NBEA: variants seen among roughly 807,000 people sequenced by gnomAD.
NBEA encodes neurobeachin, also known as lysosomal-trafficking regulator 2.
In NBEA, 44 loss-of-function variants were observed where a neutral mutation model predicts 343.4. The ratio of observed to expected loss-of-function variants is 0.13; its 90% confidence interval spans 0.10 to 0.16. The LOEUF (loss-of-function observed/expected upper bound fraction) is 0.16, where lower values mean the gene tolerates loss of function less well. Ranked by LOEUF, NBEA falls within the 10% of genes least tolerant of loss-of-function variation. The pLI is 1.00. For synonymous variants in NBEA, 1,175 were observed against 1,238.7 expected, an observed-to-expected ratio of 0.95 and a Z score of 1.08; for missense variants, 2,555 against 3,631.3, an observed-to-expected ratio of 0.70 and a Z score of 7.62.
chr13:34,990,264 C>T (rs999188015), intron 1 of NBEA, among the ~76,000 whole-genome samples: 2 of 151,186 alleles, frequency 1.3e-5, no homozygotes, highest in African/African-American at 4.8e-5. Flanking sequence ...CCACATTTCC[C>T]CTTCACACTG....
intron 1 of NBEA, among the ~76,000 whole-genome samples, chr13:34,997,748 T>C (rs967745247): frequency 2.0e-5 from 3 of 152,212 alleles, no homozygotes; most frequent in African/African-American, 7.2e-5. Flanking sequence ...TATTCCAATT[T>C]GCATTCATTG....
intron 34 of NBEA, among the ~76,000 whole-genome samples, chr13:35,253,065 G>C (rs945176975): frequency 1.3e-5 from 2 of 152,148 alleles, no homozygotes; most frequent in Non-Finnish European, 2.9e-5. Flanking sequence ...TTCACAGACT[G>C]CTCTTCTCAA....
At chr13:35,027,153 G>A (rs902817257) in intron 1 of NBEA, among the ~76,000 whole-genome samples, 1 of 151,892 alleles carries the variant, frequency 6.6e-6, no homozygotes, top group African/African-American at 2.4e-5. Flanking sequence ...GTACTTTTTG[G>A]GAGGGCATCT....
chr13:35,234,768 C>T (rs2075145274), intron 34 of NBEA, among the ~76,000 whole-genome samples: 1 of 152,176 alleles, frequency 6.6e-6, no homozygotes, highest in Non-Finnish European at 1.5e-5. Flanking sequence ...TTCTGAATTC[C>T]AGACATAGTT....
Position 35,164,504 on chromosome 13 carries a change from C to T in NBEA, c.4228C>T (p.Pro1410Ser), listed in dbSNP as rs772119408. Residue 1410 changes from proline (P) to serine (S), a missense_variant, in exon 24 of 59, where the codon CCA (proline) becomes TCA (serine). This residue lies in a region of NBEA where 168 missense variants were observed against 193.0 expected (regional missense o/e 0.87). Coordinates refer to ENST00000379939, the MANE Select transcript of NBEA (RefSeq NM_001385012.1). ...ILPLLSAATS[P>S]TGSKTELENI... ...ACCTTTGCTCTCTGCTGCTACATCA[C>T]CAACTGTAAGTACTTTGCCTCCATC... The T allele has an allele frequency of 1.2e-6, 2 of 1,609,390 alleles. No homozygotes were observed. Among genetic ancestry groups the T allele is most frequent in the East Asian group, 2.2e-5 (1 of 44,632 alleles).
intron 18 of NBEA, among the ~76,000 whole-genome samples, chr13:35,149,280 G>A (rs1020835887): frequency 6.6e-6 from 1 of 152,018 alleles, no homozygotes; most frequent in Non-Finnish European, 1.5e-5. Flanking sequence ...TTCTGATATT[G>A]TATTTCCCTC....
intron 1 of NBEA, among the ~76,000 whole-genome samples, chr13:34,967,018 C>G (rs959647266): frequency 1.4e-5 from 2 of 145,698 alleles, no homozygotes; most frequent in Non-Finnish European, 3.0e-5. Context: ...AATGTCGATT[C>G]ATATTTTACT....
chr13:35,586,062 A>G (rs2081279541), intron 46 of NBEA, among the ~76,000 whole-genome samples: 1 of 152,136 alleles, frequency 6.6e-6, no homozygotes, highest in Admixed American at 6.5e-5. Flanking sequence ...TCTCTTAATC[A>G]ATAATTTTTC....
chr13:35,173,899 G>A (rs1314985987), intron 27 of NBEA, among the ~76,000 whole-genome samples: 2 of 152,116 alleles, frequency 1.3e-5, no homozygotes, highest in Non-Finnish European at 2.9e-5. Flanking sequence ...AGAATTTAAT[G>A]TATGAATAAT....
intron 28 of NBEA, among the ~76,000 whole-genome samples, chr13:35,179,163 G>C (rs1294985324): frequency 6.6e-6 from 1 of 151,452 alleles, no homozygotes; most frequent in Non-Finnish European, 1.5e-5. Flanking sequence ...GAAAGATCTG[G>C]GTTTGAATTC....
intron 30 of NBEA, among the ~76,000 whole-genome samples, chr13:35,188,249 ATT>A (rs541398659): frequency 3.6e-4 from 51 of 142,124 alleles, no homozygotes; most frequent in African/African-American, 7.4e-4. Flanking sequence ...CTCACGTATC[ATT>A]TTTTTTTTTT....
intron 41 of NBEA, among the ~76,000 whole-genome samples, chr13:35,498,933 G>T (rs948873573): frequency 1.3e-5 from 2 of 152,006 alleles, no homozygotes; most frequent in African/African-American, 2.4e-5. Flanking sequence ...GTGTGGTGGT[G>T]CTGTTTAAAG....
rs575845599 is a variant in NBEA at position 34,975,803 on chromosome 13, G to A, written c.294+32689G>A. 2.0e-5 allele frequency among the ~76,000 whole-genome samples: 3 copies of A among 152,232 alleles called. No individual in the cohort carries two copies. In the East Asian group the frequency reaches 5.8e-4, roughly 29 times the overall value. ...ATTCTCAAAAGAAGATATACAGATG[G>A]TCAACAAGCATATGGAAAAATGCTC... On this transcript the variant is annotated intron_variant, in intron 1 of 58. Coordinates refer to ENST00000379939, the MANE Select transcript of NBEA (RefSeq NM_001385012.1).
intron 10 of NBEA, among the ~76,000 whole-genome samples, chr13:35,088,233 A>T (rs751347164): frequency 6.6e-6 from 1 of 152,022 alleles, no homozygotes; most frequent in South Asian, 2.1e-4. Flanking sequence ...TGTTCTTTTG[A>T]ATCTCCCTTA....
At chr13:35,040,702 T>C (rs1264970197) in intron 1 of NBEA, among the ~76,000 whole-genome samples, 2 of 152,138 alleles carry the variant, frequency 1.3e-5, no homozygotes, top group Non-Finnish European at 2.9e-5. Flanking sequence ...TTACTAGATT[T>C]GAAATCACCC....
intron 58 of NBEA, among the ~76,000 whole-genome samples, chr13:35,669,839 T>G (rs2085525365): frequency 6.6e-6 from 1 of 151,942 alleles, no homozygotes; most frequent in Non-Finnish European, 1.5e-5. Context: ...AGGAACAGAC[T>G]AACAGAAGAA....
rs184911935 is a variant in NBEA, at chr13:34,964,969, T to C, written c.294+21855T>C. Reference sequence around the variant, plus strand: ...AGAAGTGTTCTAGCAATGACTTATCTAGGAAACTAGCTACTGTAAACTTGG... The same window carrying C: ...AGAAGTGTTCTAGCAATGACTTATCCAGGAAACTAGCTACTGTAAACTTGG... On this transcript the variant is annotated intron_variant, in intron 1 of 58. Transcript: ENST00000379939. Among the ~76,000 whole-genome samples, 234 of 152,156 alleles carry C rather than the reference T, an allele frequency of 1.5e-3. 2 individuals are homozygous for C. Among genetic ancestry groups the C allele is most frequent in the African/African-American group, 5.4e-3 (225 of 41,542 alleles).
chr13:35,425,425 A>G (rs866552832), intron 38 of NBEA, among the ~76,000 whole-genome samples: 2 of 152,284 alleles, frequency 1.3e-5, no homozygotes, highest in Middle Eastern at 3.4e-3. Flanking sequence ...ATTCAGGAGC[A>G]GGTTGTTCAG....
At chr13:35,255,315 C>T (rs532133994) in intron 34 of NBEA, among the ~76,000 whole-genome samples, 34 of 152,304 alleles carry the variant, frequency 2.2e-4, no homozygotes, top group African/African-American at 7.5e-4. Flanking sequence ...CAGCCAGAAA[C>T]CTCTGTGGCT....
Sources: gnomAD v4.1 joint callset for allele counts (sites outside exome capture counted in the v4.1 genomes callset) on GRCh38, gnomAD v4.1.1 for gene constraint, gnomAD v4.1.1 regional missense constraint, MANE v1.5 for transcripts, NCBI Gene and HGNC (gene_info 2026-07-23, HGNC 2026-07-21) for gene names.